The following TAFA4 variants were observed in gnomAD, a reference collection of about 807,000 sequenced individuals.
TAFA4 encodes chemokine-like protein TAFA-4.
A neutral mutation model predicts 21.1 loss-of-function variants in TAFA4; 20 were observed. The observed-to-expected ratio is 0.95, with a 90% CI of 0.67 to 1.38. The LOEUF (loss-of-function observed/expected upper bound fraction) is 1.38, where lower values mean the gene tolerates loss of function less well. Among genes scored for constraint, TAFA4 ranks in the 40% most tolerant of loss-of-function variants. TAFA4 has a pLI of 0.00. For missense variants in TAFA4, 211 were observed against 180.9 expected (o/e 1.17, Z -0.95); for synonymous variants, 71 against 67.4 (o/e 1.05, Z -0.26).
intron 3 of TAFA4, among the ~76,000 whole-genome samples, chr3:68,853,481 G>T (rs1704996969): frequency 6.6e-6 from 1 of 152,062 alleles, no homozygotes. Context: ...ACCCAGGCAA[G>T]TCCCATGTCT....
chr3:68,804,724 T>A (rs565521525), intron 3 of TAFA4, among the ~76,000 whole-genome samples: 200 of 152,298 alleles, frequency 1.3e-3, no homozygotes, highest in African/African-American at 4.4e-3. Context: ...ATTTAATAAA[T>A]GGTGCTGGGA....
intron 3 of TAFA4, among the ~76,000 whole-genome samples, chr3:68,757,533 T>A (rs543197688): frequency 1.3e-5 from 2 of 152,128 alleles, no homozygotes; most frequent in Non-Finnish European, 2.9e-5. Context: ...ATGAAAAATA[T>A]ATGTGTCAGC....
chr3:68,829,158 G>C (rs1002511151), intron 3 of TAFA4, among the ~76,000 whole-genome samples: 18 of 152,208 alleles, frequency 1.2e-4, no homozygotes, highest in African/African-American at 3.4e-4. Context: ...ATACTACAAG[G>C]CTACAGTAAC....
At chr3:68,758,529 C>T (rs761482969) in intron 3 of TAFA4, among the ~76,000 whole-genome samples, 8 of 152,202 alleles carry the variant, frequency 5.3e-5, no homozygotes, top group Non-Finnish European at 1.0e-4. Context: ...CGCCTTCTGC[C>T]ATGATTGTGA....
intron 3 of TAFA4, among the ~76,000 whole-genome samples, chr3:68,807,064 T>A (rs1318829321): frequency 1.3e-5 from 2 of 152,224 alleles, no homozygotes; most frequent in African/African-American, 4.8e-5. Context: ...ATATCAGACA[T>A]GTCCAGCATG....
At position 68,826,924 on chromosome 3, in the gene TAFA4, T is replaced by C. The variant is rs945373434; in HGVS notation, c.130+53806A>G. Among the ~76,000 whole-genome samples, 20 of 152,310 alleles carry C rather than the reference T, an allele frequency of 1.3e-4. No individual in the cohort carries two copies. In the South Asian group the frequency reaches 2.1e-3, roughly 16 times the overall value. ...ATTATACTTTAAGTACTAGGGTACA[T>C]GTGCACAACATGCAGGTTTTTTACA... On this transcript the variant is annotated intron_variant, in intron 3 of 5. Transcript: ENST00000295569.
chr3:68,755,708 A>C (rs765139504), intron 3 of TAFA4, among the ~76,000 whole-genome samples: 5 of 152,208 alleles, frequency 3.3e-5, no homozygotes, highest in Non-Finnish European at 5.9e-5. Flanking sequence ...TGGCATGAGC[A>C]GCCCTACAGC....
intron 3 of TAFA4, among the ~76,000 whole-genome samples, chr3:68,790,703 G>T (rs534484589): frequency 6.6e-6 from 1 of 152,186 alleles, no homozygotes; most frequent in South Asian, 2.1e-4. Context: ...GGAACAAAGT[G>T]GTACAATGGC....
chr3:68,872,608 C>G (rs763264095), intron 3 of TAFA4, among the ~76,000 whole-genome samples: 1 of 152,104 alleles, frequency 6.6e-6, no homozygotes, highest in Non-Finnish European at 1.5e-5. Context: ...GATGTTGCAA[C>G]TGTCCTGGTT....
intron 2 of TAFA4, among the ~76,000 whole-genome samples, chr3:68,881,669 T>C (rs1021514618): frequency 3.3e-5 from 5 of 152,212 alleles, no homozygotes; most frequent in Non-Finnish European, 7.3e-5. Context: ...AATAGGTTCT[T>C]CCTTACACAT....
At chr3:68,763,907 C>T (rs564758711) in intron 3 of TAFA4, among the ~76,000 whole-genome samples, 2 of 149,578 alleles carry the variant, frequency 1.3e-5, no homozygotes, top group East Asian at 3.9e-4. Context: ...AGTATGCATA[C>T]ACTGAACTAG....
intron 1 of TAFA4, among the ~76,000 whole-genome samples, chr3:68,901,261 G>A (rs1358418877): frequency 6.6e-6 from 1 of 151,894 alleles, no homozygotes; most frequent in African/African-American, 2.4e-5. Context: ...ACTTTCCTTG[G>A]CCTGCCTTTG....
intron 3 of TAFA4, among the ~76,000 whole-genome samples, chr3:68,771,201 AT>A (rs1702950566): frequency 6.6e-6 from 1 of 152,082 alleles, no homozygotes; most frequent in African/African-American, 2.4e-5. Context: ...GTGTGACCTG[AT>A]TTTTCTGGTA....
intron 3 of TAFA4, among the ~76,000 whole-genome samples, chr3:68,874,860 C>G (rs1043278656): frequency 6.6e-6 from 1 of 152,086 alleles, no homozygotes; most frequent in African/African-American, 2.4e-5. Flanking sequence ...CTGAACTTGC[C>G]AGTGGCACTG....
intron 1 of TAFA4, among the ~76,000 whole-genome samples, chr3:68,916,849 G>C (rs2090008984): frequency 6.6e-6 from 1 of 152,152 alleles, no homozygotes; most frequent in Non-Finnish European, 1.5e-5. Flanking sequence ...GGAAGATCCA[G>C]AAAGGGCTCT....
chr3:68,794,728 T>C (rs1703423136), intron 3 of TAFA4, among the ~76,000 whole-genome samples: 1 of 152,052 alleles, frequency 6.6e-6, no homozygotes, highest in Non-Finnish European at 1.5e-5. Context: ...TGGGGTAAAA[T>C]ATATACACTC....
intron 4 of TAFA4, among the ~76,000 whole-genome samples, chr3:68,749,362 C>A (rs185395860): frequency 0.014 from 2,112 of 151,076 alleles, 48 homozygotes; most frequent in African/African-American, 0.049. Flanking sequence ...CATCTTCTTG[C>A]CTTTGTTTTA....
chr3:68,864,252 C>A (rs1423397019), intron 3 of TAFA4, among the ~76,000 whole-genome samples: 1 of 152,036 alleles, frequency 6.6e-6, no homozygotes, highest in African/African-American at 2.4e-5. Flanking sequence ...AAACTCAATA[C>A]TGAGAAAACA....
At chr3:68,863,014 G>A (rs891988144) in intron 3 of TAFA4, among the ~76,000 whole-genome samples, 2 of 150,548 alleles carry the variant, frequency 1.3e-5, no homozygotes, top group East Asian at 2.0e-4. Context: ...CTGACCAATC[G>A]CTTGAGAGCA....
Sources: allele counts gnomAD v4.1 joint callset (sites outside exome capture counted in the v4.1 genomes callset), GRCh38; gene constraint gnomAD v4.1.1; transcripts MANE v1.5; gene names NCBI Gene and HGNC (gene_info 2026-07-23, HGNC 2026-07-21).